Variants in MLIP observed in about 807,000 individuals in gnomAD.
MLIP encodes the protein muscular LMNA interacting protein, also known as muscular LMNA-interacting protein.
Under a neutral mutation model 84.8 loss-of-function variants are expected in MLIP, and 79 were observed. That is an observed-to-expected ratio of 0.93 (90% CI 0.78 to 1.12). The LOEUF (loss-of-function observed/expected upper bound fraction) is 1.12, where lower values mean the gene tolerates loss of function less well. MLIP is among the 50% of genes most tolerant of loss of function. The probability of loss-of-function intolerance (pLI) is 0.00; values close to 1 mark genes in which losing one functional copy is unlikely to be tolerated. For synonymous variants in MLIP, 504 were observed against 463.0 expected, an observed-to-expected ratio of 1.09 and a Z score of -1.14; for missense variants, 1,257 against 1,160.6, an observed-to-expected ratio of 1.08 and a Z score of -1.21.
Position 54,068,322 on chromosome 6 carries a change from A to G in MLIP, c.63+49231A>G, listed in dbSNP as rs555945681. Among the ~76,000 whole-genome samples, 29 of 98,034 alleles carry G rather than the reference A, an allele frequency of 3.0e-4. 12 individuals carry two copies. The highest frequency in any genetic ancestry group is 8.2e-4 in the Non-Finnish European group (28 of 34,192). The allele number at this position is 98,034 out of a possible 152,430, so 64.3% of individuals were successfully genotyped here. ...CAGCTAATTTTTGTATTTTTAGTAG[A>G]GACGGGGTTTCACCATGTCGGCCAG... On this transcript the variant is annotated intron_variant, in intron 1 of 12. Coordinates refer to the MLIP transcript ENST00000274897.
chr6:54,111,909 A>G (rs1183155813), intron 1 of MLIP, among the ~76,000 whole-genome samples: 1 of 152,244 alleles, frequency 6.6e-6, no homozygotes, highest in African/African-American at 2.4e-5. Flanking sequence ...AAAGGAAGGC[A>G]TTACAGCCCA....
chr6:54,151,806 T>A (rs1272546745), intron 5 of MLIP, among the ~76,000 whole-genome samples: 1 of 152,168 alleles, frequency 6.6e-6, no homozygotes, highest in East Asian at 1.9e-4. Flanking sequence ...TAAAAAATAA[T>A]GCTATTTTTA....
At chr6:54,057,368 C>T (rs1440611027) in intron 1 of MLIP, among the ~76,000 whole-genome samples, 1 of 152,162 alleles carries the variant, frequency 6.6e-6, no homozygotes, top group Non-Finnish European at 1.5e-5. Flanking sequence ...CAAAAATAAA[C>T]CAAACTTGTC....
rs1001837031 is a variant in MLIP, at chr6:54,084,868, C to T, written c.64-36579C>T. On this transcript the variant is annotated intron_variant, in intron 1 of 12. Transcript: ENST00000274897. ...TTGTGAATTTCTGCAAAATCTTCTT[C>T]GCTTCATTTACTTTCTGTCTAAAAG... is the stretch of plus-strand genomic sequence containing the variant. Among the ~76,000 whole-genome samples, 10 of 152,204 alleles carry T rather than the reference C, an allele frequency of 6.6e-5. No individual in the cohort carries two copies. In the South Asian group the frequency reaches 1.9e-3, roughly 28 times the overall value.
upstream of MLIP, among the ~76,000 whole-genome samples, chr6:54,110,075 C>T (rs964056777): frequency 4.0e-5 from 6 of 151,232 alleles, no homozygotes; most frequent in Non-Finnish European, 7.4e-5. Flanking sequence ...CTCCGCCTCC[C>T]GGATTCATGC....
chr6:54,217,719 A>G (rs1779946553), intron 11 of MLIP: 10 of 985,098 alleles, frequency 1.0e-5, no homozygotes, highest in Non-Finnish European at 1.2e-5. Context: ...AAGTGACTAA[A>G]AAGCGGTTTA....
intron 1 of MLIP, among the ~76,000 whole-genome samples, chr6:54,120,401 A>ATT (rs10708241): frequency 0.013 from 1,920 of 151,260 alleles, 36 homozygotes; most frequent in African/African-American, 0.039. Context: ...CGCCCGGCTC[A>ATT]TTTTTTTTTG....
intron 11 of MLIP, among the ~76,000 whole-genome samples, chr6:54,203,224 A>G (rs1778811908): frequency 6.6e-6 from 1 of 152,192 alleles, no homozygotes; most frequent in African/African-American, 2.4e-5. Flanking sequence ...AATAGCAGAG[A>G]TTTTAAATCT....
At chr6:54,040,655 G>C (rs1451562892) in intron 1 of MLIP, among the ~76,000 whole-genome samples, 1 of 151,886 alleles carries the variant, frequency 6.6e-6, no homozygotes. Context: ...CAAATACATA[G>C]AATCAACCTA....
rs139650731 is a variant in MLIP, at chr6:54,127,684, A to G, written c.645+2819A>G. Among the ~76,000 whole-genome samples, 943 of 152,260 alleles carry G rather than the reference A, an allele frequency of 6.2e-3. 12 individuals are homozygous for G. Among genetic ancestry groups the G allele is most frequent in the African/African-American group, 0.022 (905 of 41,570 alleles). On this transcript the variant is annotated intron_variant, in intron 3 of 13. Coordinates refer to ENST00000502396, the MANE Select transcript of MLIP (RefSeq NM_001281747.2). ...CTTTTTGTCCCCTACAGTGGTTAGC[A>G]TATTATCAGGGACATAGTCAATATA...
In MLIP at chr6:54,219,370, C is replaced by CT. The variant is rs5876371; in HGVS notation, c.2719-11326dup. ...TTCTTTTTTTTTTTTACATTTTAAA[C>CT]TTTTTTTTTTTTTTTTTTCTCAGAC... On this transcript the variant is annotated intron_variant, in intron 11 of 13. Coordinates refer to ENST00000502396, the MANE Select transcript of MLIP (RefSeq NM_001281747.2). Among the ~76,000 whole-genome samples the CT allele has an allele frequency of 1.7e-3, 128 of 77,462 alleles. 1 individual carries two copies. The highest frequency in any genetic ancestry group is 2.6e-3 in the East Asian group (8 of 3,106). 50.8% of individuals were successfully genotyped at this position (77,462 alleles called of 152,430 possible).
intron 5 of MLIP, among the ~76,000 whole-genome samples, chr6:54,151,513 T>A (rs916111232): frequency 3.3e-5 from 5 of 152,164 alleles, no homozygotes; most frequent in African/African-American, 1.2e-4. Flanking sequence ...TATGGAAGAA[T>A]AAAAATCTTG....
At chr6:54,034,061 T>C (rs1380775610) in intron 1 of MLIP, among the ~76,000 whole-genome samples, 1 of 152,204 alleles carries the variant, frequency 6.6e-6, no homozygotes, top group Non-Finnish European at 1.5e-5. Context: ...AACTTTTATA[T>C]CACATATACA....
At chr6:54,073,850 A>C (rs1766632419) in intron 1 of MLIP, among the ~76,000 whole-genome samples, 1 of 152,202 alleles carries the variant, frequency 6.6e-6, no homozygotes, top group East Asian at 1.9e-4. Flanking sequence ...GGCACAACTA[A>C]ATGAAGGTAT....
chr6:54,251,324 T>C (rs1214816100), intron 12 of MLIP, among the ~76,000 whole-genome samples: 1 of 150,468 alleles, frequency 6.6e-6, no homozygotes, highest in Non-Finnish European at 1.5e-5. Flanking sequence ...TGCCAGAATC[T>C]GAAATTTACA....
chr6:54,217,466 T>G (rs1010795451), intron 11 of MLIP: 3 of 985,372 alleles, frequency 3.0e-6, no homozygotes, highest in Non-Finnish European at 3.6e-6. Context: ...AACACTAATT[T>G]TCTGATGTGT....
chr6:54,093,416 TA>T (rs1767997174), intron 1 of MLIP, among the ~76,000 whole-genome samples: 2 of 141,686 alleles, frequency 1.4e-5, no homozygotes, highest in Non-Finnish European at 1.6e-5. Flanking sequence ...ATTCGTTTTT[TA>T]AAATGCCAAA....
chr6:54,208,154 G>A (rs891971872), intron 11 of MLIP, among the ~76,000 whole-genome samples: 10 of 152,050 alleles, frequency 6.6e-5, no homozygotes, highest in Non-Finnish European at 1.0e-4. Flanking sequence ...TGTTAAAATA[G>A]AATGTTTTAA....
chr6:54,151,251 T>A (rs1773412920), intron 5 of MLIP, among the ~76,000 whole-genome samples: 1 of 152,162 alleles, frequency 6.6e-6, no homozygotes, highest in South Asian at 2.1e-4. Flanking sequence ...AATTTTACTT[T>A]GTAAGAATTT....
Sources: allele counts gnomAD v4.1 joint callset (sites outside exome capture counted in the v4.1 genomes callset), GRCh38; gene constraint gnomAD v4.1.1; transcripts MANE v1.5; gene names NCBI Gene and HGNC (gene_info 2026-07-23, HGNC 2026-07-21).